Variants in NTN4 observed in about 807,000 individuals in gnomAD.
NTN4 encodes the protein netrin 4.
NTN4 carries 32 observed loss-of-function variants against 73.6 expected under a neutral mutation model. The ratio of observed to expected loss-of-function variants is 0.44; its 90% CI spans 0.33 to 0.58. The LOEUF (loss-of-function observed/expected upper bound fraction) is 0.58, where lower values mean the gene tolerates loss of function less well. NTN4 is among the 20% of genes least tolerant of loss of function. The pLI is 0.04. For synonymous variants in NTN4, 258 were observed against 287.5 expected (o/e 0.90, Z 1.04); for missense variants, 654 against 798.3 (o/e 0.82, Z 2.18).
At chr12:95,767,192 C>T (rs531772668) in intron 2 of NTN4, among the ~76,000 whole-genome samples, 2 of 152,076 alleles carry the variant, frequency 1.3e-5, no homozygotes, top group Non-Finnish European at 2.9e-5. Flanking sequence ...TCTCCAACCA[C>T]TCTCAGGATT....
chr12:95,664,730 A>G (rs1011551655), intron 9 of NTN4, among the ~76,000 whole-genome samples: 2 of 152,074 alleles, frequency 1.3e-5, no homozygotes, highest in African/African-American at 4.8e-5. Flanking sequence ...CTCCTGCCTC[A>G]GCCTCCTGGG....
intron 2 of NTN4, among the ~76,000 whole-genome samples, chr12:95,785,722 G>A (rs79658385): frequency 0.068 from 10,368 of 152,186 alleles, 501 homozygotes; most frequent in Non-Finnish European, 0.098. Flanking sequence ...GTGCCTGAGG[G>A]GGTCAATACA....
At chr12:95,759,726 T>C (rs990652949) in intron 2 of NTN4, among the ~76,000 whole-genome samples, 1 of 152,124 alleles carries the variant, frequency 6.6e-6, no homozygotes. Context: ...TCTCCCAAAG[T>C]TCTGGGATTA....
At chr12:95,710,270 C>T (rs912111920) in intron 5 of NTN4, among the ~76,000 whole-genome samples, 171 bp downstream of exon 5, 3 of 152,144 alleles carry the variant, frequency 2.0e-5, no homozygotes, top group African/African-American at 7.2e-5. Context: ...TGTTTTCACC[C>T]AACTGGTTGA....
At chr12:95,672,823 C>T in intron 7 of NTN4, 2 of 1,354,356 alleles carry the variant, frequency 1.5e-6, no homozygotes, top group Non-Finnish European at 2.1e-6. Flanking sequence ...AATAGTTCCC[C>T]AGATCAAGGA....
At chr12:95,773,051 G>A (rs1452667442) in intron 2 of NTN4, among the ~76,000 whole-genome samples, 1 of 149,710 alleles carries the variant, frequency 6.7e-6, no homozygotes, top group Admixed American at 6.7e-5. Flanking sequence ...TGCCCAGGCT[G>A]GAGTGAAGTG....
intron 2 of NTN4, among the ~76,000 whole-genome samples, chr12:95,779,116 T>G (rs1267483079): frequency 1.3e-5 from 2 of 152,204 alleles, no homozygotes; most frequent in Non-Finnish European, 2.9e-5. Flanking sequence ...CAGCCCTTCA[T>G]GCTAAAAACT....
chr12:95,732,553 G>C (rs926273766), intron 3 of NTN4, among the ~76,000 whole-genome samples: 1 of 151,976 alleles, frequency 6.6e-6, no homozygotes, highest in African/African-American at 2.4e-5. Flanking sequence ...ATAGGCGCGT[G>C]CCACCACACC....
chr12:95,754,888 A>G (rs1259407186), intron 2 of NTN4, among the ~76,000 whole-genome samples: 1 of 152,234 alleles, frequency 6.6e-6, no homozygotes, highest in African/African-American at 2.4e-5. Context: ...GACGCGCATG[A>G]AAGTATTATA....
chr12:95,675,675 TA>T (rs972285565), intron 7 of NTN4, among the ~76,000 whole-genome samples: 1 of 151,958 alleles, frequency 6.6e-6, no homozygotes, highest in African/African-American at 2.4e-5. Context: ...TTCTTGAATT[TA>T]AAAAAAATGT....
At chr12:95,694,220 G>A (rs760119429) in intron 5 of NTN4, among the ~76,000 whole-genome samples, 2 of 151,896 alleles carry the variant, frequency 1.3e-5, no homozygotes, top group African/African-American at 4.9e-5. Flanking sequence ...TACCCTAAAA[G>A]TATTTGCTCC....
chr12:95,664,118 A>G (rs776565328), intron 9 of NTN4, among the ~76,000 whole-genome samples: 19 of 152,088 alleles, frequency 1.2e-4, no homozygotes, highest in Non-Finnish European at 2.2e-4. Context: ...CAGTGGCTCA[A>G]TCATGGCTCA....
At chr12:95,785,097 AG>A (rs919634974) in intron 2 of NTN4, among the ~76,000 whole-genome samples, 4 of 152,186 alleles carry the variant, frequency 2.6e-5, no homozygotes, top group African/African-American at 9.7e-5. Flanking sequence ...TAGATAAACA[AG>A]GCCCAGTAGA....
At chr12:95,669,752 T>G (rs1239332853) in intron 8 of NTN4, among the ~76,000 whole-genome samples, 1 of 152,194 alleles carries the variant, frequency 6.6e-6, no homozygotes, top group Non-Finnish European at 1.5e-5. Context: ...GAAATGTCCC[T>G]TTTGGATGAA....
chr12:95,744,799 G>A (rs934147598), intron 2 of NTN4, among the ~76,000 whole-genome samples: 3 of 148,814 alleles, frequency 2.0e-5, no homozygotes, highest in African/African-American at 7.4e-5. Context: ...TCTGTCTGAA[G>A]GATTTCCTTC....
chr12:95,773,925 C>G (rs1426151851), intron 2 of NTN4, among the ~76,000 whole-genome samples: 1 of 152,064 alleles, frequency 6.6e-6, no homozygotes, highest in African/African-American at 2.4e-5. Flanking sequence ...CCAAACCAAT[C>G]AAATAACAAA....
At chr12:95,677,496 C>T (rs1006923513) in intron 7 of NTN4, among the ~76,000 whole-genome samples, 1 of 152,036 alleles carries the variant, frequency 6.6e-6, no homozygotes, top group Admixed American at 6.6e-5. Context: ...CAATGCAATA[C>T]ATTAAATTAT....
intron 2 of NTN4, among the ~76,000 whole-genome samples, chr12:95,785,831 T>C (rs1432036446): frequency 2.0e-5 from 3 of 152,222 alleles, no homozygotes; most frequent in Non-Finnish European, 4.4e-5. Context: ...GTGATCCATG[T>C]ATTGGATATA....
intron 2 of NTN4, among the ~76,000 whole-genome samples, chr12:95,743,979 G>C (rs1592698965): frequency 6.6e-6 from 1 of 152,104 alleles, no homozygotes; most frequent in East Asian, 1.9e-4. Context: ...TTGGCTCACT[G>C]CAACCTCCAC....
Sources: gnomAD v4.1 joint callset for allele counts (sites outside exome capture counted in the v4.1 genomes callset) on GRCh38, gnomAD v4.1.1 for gene constraint, MANE v1.5 for transcripts, NCBI Gene and HGNC (gene_info 2026-07-23, HGNC 2026-07-21) for gene names.